Variants in TLX2 observed in about 807,000 individuals in gnomAD.
TLX2 encodes T-cell leukemia homeobox protein 2.
Under a neutral mutation model 21.7 loss-of-function variants are expected in TLX2, and 15 were observed. That is an observed-to-expected ratio of 0.69 (90% CI 0.46 to 1.07). TLX2 has a LOEUF of 1.07. Among genes scored for constraint, TLX2 ranks in the 50% least tolerant of loss-of-function variants. The pLI, the probability that TLX2 is intolerant of heterozygous loss-of-function variation, is 0.00. For missense variants in TLX2, 384 were observed against 409.1 expected (o/e 0.94, Z 0.53); for synonymous variants, 213 against 193.1 (o/e 1.10, Z -0.85).
Position 74,514,471 on chromosome 2 carries a change from T to C in TLX2, c.-336T>C. ...CGTCAGTCACTGCCCCAGCCGGAGC[T>C]GGCCAACCCTCTCCACCCGGGACTT... On this transcript the variant is annotated 5_prime_UTR_variant, in exon 1 of 3. Coordinates refer to ENST00000233638, the MANE Select transcript of TLX2 (RefSeq NM_016170.5). This position sits in a 1 kb window ranked among gnomAD's most constrained non-coding sequence, Gnocchi z 5.0. 1 of 1,195,918 alleles carries C rather than the reference T, an allele frequency of 8.4e-7. No individual in the cohort carries two copies. The highest frequency in any genetic ancestry group is 1.0e-6 in the Non-Finnish European group (1 of 953,000). The allele number at this position is 1,195,918 out of a possible 1,614,324, so 74.1% of individuals were successfully genotyped here. A position where few individuals can be genotyped will look rare whatever the true frequency, so the allele number is the denominator to read the frequency against.
Position 74,515,675 on chromosome 2 carries a change from C to G in TLX2, c.443C>G (p.Pro148Arg), listed in dbSNP as rs1674864490. 2.5e-6 allele frequency: 4 copies of G among 1,613,776 alleles called. No homozygotes were observed. The highest frequency in any genetic ancestry group is 3.4e-6 in the Non-Finnish European group (4 of 1,179,914). Residue 148 changes from proline (P) to arginine (R), a missense_variant, in exon 2 of 3, where the codon CCC becomes CGC. Pro to Arg is a moderately radical substitution (Grantham distance 103). Transcript: ENST00000233638. The surrounding 1 kb of genome is among the most constrained non-coding windows in gnomAD (Gnocchi z 6.6). The part of the protein sequence containing the change: ...PFSGTRRIGH[P>R]YQNRTPPKRK... ...TCTGGGACGCGCCGCATAGGCCACC[C>G]CTACCAAAACCGGACCCCTCCGAAG...
chr2:74,514,613 AGCGGCTGGCACGGGC>A lies in TLX2; in HGVS notation c.-186_-172del, dbSNP rs1285840932. ...GCAAGTCCCTGCGCTGACGCCCGGC[AGCGGCTGGCACGGGC>A]GCGGCTGCTCCGGGTGCACAGGGAT... is the stretch of plus-strand genomic sequence containing the variant. On this transcript the variant is annotated 5_prime_UTR_variant, in exon 1 of 3. Transcript: ENST00000233638. This position sits in a 1 kb window ranked among gnomAD's most constrained non-coding sequence, Gnocchi z 5.0. 2.1e-6 allele frequency: 3 copies of A among 1,414,370 alleles called. No homozygotes were observed. The highest frequency in any genetic ancestry group is 1.5e-5 in the African/African-American group (1 of 65,652). 87.6% of individuals were successfully genotyped at this position (1,414,370 alleles called of 1,614,324 possible).
At position 74,516,430 on chromosome 2, in the gene TLX2, G is replaced by A. The variant is rs1674888828; in HGVS notation, c.*241G>A. On this transcript the variant is annotated 3_prime_UTR_variant, in exon 3 of 3. Transcript: ENST00000233638. ...TGCCGTTACGCCCTCGCTGGAACCT[G>A]AGGCGCCGAGAGGGCGGGACCTGCA... is the stretch of plus-strand genomic sequence containing the variant. 3 of 1,393,758 alleles carry A rather than the reference G, an allele frequency of 2.2e-6. No homozygotes were observed. The highest frequency in any genetic ancestry group is 2.7e-5 in the Admixed American group (1 of 36,640). 86.3% of individuals were successfully genotyped at this position (1,393,758 alleles called of 1,614,324 possible).
At position 74,515,627 on chromosome 2, in the gene TLX2, C is replaced by T. The variant is rs1572981173; in HGVS notation, c.401-6C>T. ...ATCCTGCCCTGGTCTTTCTTCCTCC[C>T]GGTAGCTGCGCTCTCGCCCTTCTCT... On this transcript the variant is annotated splice_region_variant and splice_polypyrimidine_tract_variant and intron_variant, in intron 1 of 2. Transcript: ENST00000233638. The surrounding 1 kb of genome is among the most constrained non-coding windows in gnomAD (Gnocchi z 6.6). The T allele has an allele frequency of 1.2e-6, 2 of 1,605,804 alleles. No individual in the cohort carries two copies. Among genetic ancestry groups the T allele is most frequent in the African/African-American group, 1.3e-5 (1 of 74,824 alleles).
chr2:74,516,366 C>A lies in TLX2; in HGVS notation c.*177C>A. On this transcript the variant is annotated 3_prime_UTR_variant, in exon 3 of 3. Transcript: ENST00000233638. ...AGCCAGCGTTGCGCAGATGCACGGC[C>A]AGCTCAGAGGCGGCCTTTCCCGCCA... The A allele has an allele frequency of 2.0e-6, 3 of 1,509,374 alleles. No individual in the cohort carries two copies. The highest frequency in any genetic ancestry group is 8.8e-7 in the Non-Finnish European group (1 of 1,133,812). 93.5% of individuals were successfully genotyped at this position (1,509,374 alleles called of 1,614,324 possible).
chr2:74,514,612 C>A lies in TLX2; in HGVS notation c.-195C>A. The A allele has an allele frequency of 7.1e-7, 1 of 1,416,146 alleles. No individual in the cohort carries two copies. 87.7% of individuals were successfully genotyped at this position (1,416,146 alleles called of 1,614,324 possible). The stretch of plus-strand genomic sequence containing the variant: ...TGCAAGTCCCTGCGCTGACGCCCGG[C>A]AGCGGCTGGCACGGGCGCGGCTGCT... On this transcript the variant is annotated 5_prime_UTR_variant, in exon 1 of 3. Transcript: ENST00000233638. The surrounding 1 kb of genome is among the most constrained non-coding windows in gnomAD (Gnocchi z 5.0).
Position 74,515,640 on chromosome 2 carries a change from C to T in TLX2, c.408C>T (p.Leu136=). ...RFAKDRLTAA[L]SPFSGTRRIG... ...CTTTCTTCCTCCCGGTAGCTGCGCT[C>T]TCGCCCTTCTCTGGGACGCGCCGCA... Residue 136 remains leucine, a synonymous_variant, in exon 2 of 3, where the codon CTC becomes CTT. Coordinates refer to ENST00000233638, the MANE Select transcript of TLX2 (RefSeq NM_016170.5). This position sits in a 1 kb window ranked among gnomAD's most constrained non-coding sequence, Gnocchi z 6.6. 6.2e-7 allele frequency: 1 copy of T among 1,609,580 alleles called. No individual in the cohort carries two copies. The highest frequency in any genetic ancestry group is 8.5e-7 in the Non-Finnish European group (1 of 1,176,972).
At position 74,515,992 on chromosome 2, in the gene TLX2, C is replaced by T; in HGVS notation, c.658C>T (p.Arg220Cys). The T allele has an allele frequency of 6.8e-7, 1 of 1,476,916 alleles. No individual in the cohort carries two copies. Among genetic ancestry groups the T allele is most frequent in the Non-Finnish European group, 8.9e-7 (1 of 1,124,634 alleles). The allele number at this position is 1,476,916 out of a possible 1,614,324, so 91.5% of individuals were successfully genotyped here. A position where few individuals can be genotyped will look rare whatever the true frequency, so the allele number is the denominator to read the frequency against. Residue 220 changes from arginine (R) to cysteine (C), a missense_variant, in exon 3 of 3, where the codon CGC (arginine) becomes TGC (cysteine). By Grantham distance (180) the Arg-to-Cys change is radical. Transcript: ENST00000233638. This position sits in a 1 kb window ranked among gnomAD's most constrained non-coding sequence, Gnocchi z 6.6. ...TKWRRQTAEE[R>C]EAERHRAGRL... The stretch of plus-strand genomic sequence containing the variant: ...CCTTAGGCGCCAGACGGCGGAGGAG[C>T]GCGAGGCCGAGCGGCACCGCGCGGG...
Position 74,514,915 on chromosome 2 carries a change from C to A in TLX2, c.109C>A (p.Leu37Met). Residue 37 changes from leucine (L) to methionine (M), a missense_variant, in exon 1 of 3, where the codon CTG becomes ATG. Transcript: ENST00000233638. The surrounding 1 kb of genome is among the most constrained non-coding windows in gnomAD (Gnocchi z 5.0). ...CGAAACCCCAGGGGGCGGTCTAGGC[C>A]TGGGTCGCGGGGGCCAGGGTCATGG... is the stretch of plus-strand genomic sequence containing the variant. ...GPETPGGGLG[L>M]GRGGQGHGEN... 2.5e-6 allele frequency: 4 copies of A among 1,610,012 alleles called. No individual in the cohort carries two copies. The highest frequency in any genetic ancestry group is 3.4e-6 in the Non-Finnish European group (4 of 1,178,556).
Position 74,516,014 on chromosome 2 carries a change from C to A in TLX2, c.680C>A (p.Ala227Glu). ...GAGCGCGAGGCCGAGCGGCACCGCG[C>A]GGGCCGGCTGCTCCTGCATCTGCAG... ...AEEREAERHR[A>E]GRLLLHLQQD... is the part of the protein sequence containing the mutation. The change falls in exon 3 of 3, where the codon GCG becomes GAG. Residue 227 changes from alanine (A) to glutamate (E), a missense_variant. Transcript: ENST00000233638. 1 of 1,524,134 alleles carries A rather than the reference C, an allele frequency of 6.6e-7. No individual in the cohort carries two copies. The highest frequency in any genetic ancestry group is 1.2e-5 in the South Asian group (1 of 81,132). 94.4% of individuals were successfully genotyped at this position (1,524,134 alleles called of 1,614,324 possible). A position where few individuals can be genotyped will look rare whatever the true frequency, so the allele number is the denominator to read the frequency against.
At position 74,514,917 on chromosome 2, in the gene TLX2, G is replaced by C; in HGVS notation, c.111G>C (p.Leu37=). 1.2e-6 allele frequency: 2 copies of C among 1,609,256 alleles called. No homozygotes were observed. Among genetic ancestry groups the C allele is most frequent in the Non-Finnish European group, 1.7e-6 (2 of 1,178,280 alleles). ...GPETPGGGLG[L]GRGGQGHGEN... is the part of the protein sequence containing the mutation. ...AAACCCCAGGGGGCGGTCTAGGCCT[G>C]GGTCGCGGGGGCCAGGGTCATGGGG... Residue 37 remains leucine, a synonymous_variant, in exon 1 of 3, where the codon CTG becomes CTC. Coordinates refer to ENST00000233638, the MANE Select transcript of TLX2 (RefSeq NM_016170.5). The surrounding 1 kb of genome is among the most constrained non-coding windows in gnomAD (Gnocchi z 5.0).
In TLX2 at chr2:74,515,661, C is replaced by T. The variant is rs772775550; in HGVS notation, c.429C>T (p.Arg143=). 7.4e-6 allele frequency: 12 copies of T among 1,612,664 alleles called. No homozygotes were observed. In the Admixed American group the frequency reaches 2.0e-4, roughly 27 times the overall value. ...CGCTCTCGCCCTTCTCTGGGACGCG[C>T]CGCATAGGCCACCCCTACCAAAACC... ...TAALSPFSGT[R]RIGHPYQNRT... is the part of the protein sequence containing the mutation. The change falls in exon 2 of 3, where the codon CGC becomes CGT. Residue 143 remains arginine (R), a synonymous_variant. Transcript: ENST00000233638. The surrounding 1 kb of genome is among the most constrained non-coding windows in gnomAD (Gnocchi z 6.6).
rs761760301 is a variant in TLX2 at position 74,514,846 on chromosome 2, C to T, written c.40C>T (p.His14Tyr). 2.5e-6 allele frequency: 4 copies of T among 1,612,776 alleles called. No homozygotes were observed. The South Asian group carries it at 3.3e-5, about 13-fold the overall frequency. The change falls in exon 1 of 3, where the codon CAC (histidine) becomes TAC (tyrosine). Residue 14 changes from histidine to tyrosine, a missense_variant. Coordinates refer to ENST00000233638, the MANE Select transcript of TLX2 (RefSeq NM_016170.5). The surrounding 1 kb of genome is among the most constrained non-coding windows in gnomAD (Gnocchi z 5.0). Reference protein sequence around the residue: ...GMLGPHNLPHHEPISFGIDQI... With the variant: ...GMLGPHNLPHYEPISFGIDQI... The stretch of plus-strand genomic sequence containing the variant: ...GCTGGGTCCACACAACCTCCCACAC[C>T]ACGAGCCAATCAGCTTCGGCATCGA...
chr2:74,515,522 C>G lies in TLX2; in HGVS notation c.401-111C>G. 8.3e-7 allele frequency: 1 copy of G among 1,206,314 alleles called. No individual in the cohort carries two copies. Among genetic ancestry groups the G allele is most frequent in the Non-Finnish European group, 1.2e-6 (1 of 855,960 alleles). 74.7% of individuals were successfully genotyped at this position (1,206,314 alleles called of 1,614,324 possible). On this transcript the variant is annotated intron_variant, in intron 1 of 2. Coordinates refer to ENST00000233638, the MANE Select transcript of TLX2 (RefSeq NM_016170.5). The surrounding 1 kb of genome is among the most constrained non-coding windows in gnomAD (Gnocchi z 6.6). ...TAGGGCTCGGCTGATGCTTAGGGCC[C>G]GGGTAAGGACAGGGCGCGGGAGTTC...
In TLX2 at chr2:74,515,311, G is replaced by T; in HGVS notation, c.400+105G>T. 2.6e-6 allele frequency: 4 copies of T among 1,525,156 alleles called. No individual in the cohort carries two copies. In the South Asian group the frequency reaches 4.8e-5, roughly 18 times the overall value. 94.5% of individuals were successfully genotyped at this position (1,525,156 alleles called of 1,614,324 possible). A position where few individuals can be genotyped will look rare whatever the true frequency, so the allele number is the denominator to read the frequency against. ...AGGACCCCTTTCACACCTCCCACTA[G>T]ATCCTCCCAGGGGATCCTCCCCCAA... On this transcript the variant is annotated intron_variant, in intron 1 of 2. Transcript: ENST00000233638. The surrounding 1 kb of genome is among the most constrained non-coding windows in gnomAD (Gnocchi z 6.6).
chr2:74,514,668 G>A lies in TLX2; in HGVS notation c.-139G>A. On this transcript the variant is annotated 5_prime_UTR_variant, in exon 1 of 3. Transcript: ENST00000233638. This position sits in a 1 kb window ranked among gnomAD's most constrained non-coding sequence, Gnocchi z 5.0. ...TGCACAGGGATGCTGCTGTTTCGGGGACCCCGGCGCCCTGCCTTGGCCAGC... is the reference window on the plus strand; with the variant it reads ...TGCACAGGGATGCTGCTGTTTCGGGAACCCCGGCGCCCTGCCTTGGCCAGC... The A allele has an allele frequency of 6.7e-7, 1 of 1,497,652 alleles. No homozygotes were observed. The highest frequency in any genetic ancestry group is 8.9e-7 in the Non-Finnish European group (1 of 1,126,028). 92.8% of individuals were successfully genotyped at this position (1,497,652 alleles called of 1,614,324 possible).
rs1362846981 is a variant in TLX2 at position 74,514,490 on chromosome 2, G to C, written c.-317G>C. 8 of 1,176,542 alleles carry C rather than the reference G, an allele frequency of 6.8e-6. No homozygotes were observed. Among genetic ancestry groups the C allele is most frequent in the Middle Eastern group, 3.8e-4 (1 of 2,626 alleles). The allele number at this position is 1,176,542 out of a possible 1,614,324, so 72.9% of individuals were successfully genotyped here. A position where few individuals can be genotyped will look rare whatever the true frequency, so the allele number is the denominator to read the frequency against. ...CGGAGCTGGCCAACCCTCTCCACCC[G>C]GGACTTGGGCAGCGGCGCCGGCAGC... On this transcript the variant is annotated 5_prime_UTR_variant, in exon 1 of 3. Transcript: ENST00000233638. This position sits in a 1 kb window ranked among gnomAD's most constrained non-coding sequence, Gnocchi z 5.0.
In TLX2 at chr2:74,514,525, A is replaced by G. The variant is rs1236969693; in HGVS notation, c.-282A>G. ...CAGCGGCGCCGGCAGCCCAGCGTCT[A>G]TTTGCGCTTAAGAGCCAGCAAGGAA... On this transcript the variant is annotated 5_prime_UTR_variant, in exon 1 of 3. Coordinates refer to ENST00000233638, the MANE Select transcript of TLX2 (RefSeq NM_016170.5). The surrounding 1 kb of genome is among the most constrained non-coding windows in gnomAD (Gnocchi z 5.0). 3.8e-6 allele frequency: 5 copies of G among 1,320,380 alleles called. No homozygotes were observed. Among genetic ancestry groups the G allele is most frequent in the South Asian group, 1.6e-5 (1 of 64,180 alleles). 81.8% of individuals were successfully genotyped at this position (1,320,380 alleles called of 1,614,324 possible). A position where few individuals can be genotyped will look rare whatever the true frequency, so the allele number is the denominator to read the frequency against.
Position 74,515,701 on chromosome 2 carries a change from C to A in TLX2, c.469C>A (p.Arg157=). The stretch of plus-strand genomic sequence containing the variant: ...CTACCAAAACCGGACCCCTCCGAAG[C>A]GGAAGAAGCCGCGCACGTCCTTCTC... ...HPYQNRTPPK[R]KKPRTSFSRS... Residue 157 remains arginine, a synonymous_variant, in exon 2 of 3, where the codon CGG becomes AGG. Coordinates refer to ENST00000233638, the MANE Select transcript of TLX2 (RefSeq NM_016170.5). This position sits in a 1 kb window ranked among gnomAD's most constrained non-coding sequence, Gnocchi z 6.6. The A allele has an allele frequency of 1.2e-6, 2 of 1,613,710 alleles. No individual in the cohort carries two copies. The highest frequency in any genetic ancestry group is 1.7e-4 in the Middle Eastern group (1 of 6,060).
Sources: gnomAD v4.1 joint callset for allele counts on GRCh38, gnomAD v4.1.1 for gene constraint, Gnocchi (gnomAD v3.1) non-coding constraint, MANE v1.5 for transcripts, NCBI Gene and HGNC (gene_info 2026-07-23, HGNC 2026-07-21) for gene names.